The following DVL2 variants were observed in gnomAD, a reference collection of about 807,000 sequenced individuals.
DVL2 encodes the protein dishevelled segment polarity protein 2, also known as segment polarity protein dishevelled homolog DVL-2.
In DVL2, 38 loss-of-function variants were observed where a neutral mutation model predicts 69.8. The ratio of observed to expected loss-of-function variants is 0.54; its 90% CI spans 0.42 to 0.71. The LOEUF is 0.71. Ranked by LOEUF, DVL2 falls within the 30% of genes least tolerant of loss-of-function variation. DVL2 has a pLI of 0.00. For synonymous variants in DVL2, 428 were observed against 392.4 expected (o/e 1.09, Z -1.07); for missense variants, 931 against 1,008.1 (o/e 0.92, Z 1.04).
At chr17:7,232,506 A>G (rs1247413584) in intron 1 of DVL2, among the ~76,000 whole-genome samples, 1 of 152,234 alleles carries the variant, frequency 6.6e-6, no homozygotes, top group Non-Finnish European at 1.5e-5. Context: ...GTCAGCCTCA[A>G]TGCTAATTAC....
Position 7,226,648 on chromosome 17 carries a change from CAAGGG to C in DVL2, c.1544-14_1544-10del. On this transcript the variant is annotated splice_polypyrimidine_tract_variant and intron_variant, in intron 13 of 14. Coordinates refer to ENST00000005340, the MANE Select transcript of DVL2 (RefSeq NM_004422.3). Reference sequence around the variant, plus strand: ...AGACAGGTTGACTAGGTCTGGAAAGCAAGGGAAGAGAGGAAGAAATCACTGCTTCA... The same window carrying C: ...AGACAGGTTGACTAGGTCTGGAAAGCAAGAGAGGAAGAAATCACTGCTTCA... The C allele has an allele frequency of 6.5e-7, 1 of 1,532,090 alleles. No homozygotes were observed. Among genetic ancestry groups the C allele is most frequent in the Non-Finnish European group, 8.8e-7 (1 of 1,142,402 alleles). 94.9% of individuals were successfully genotyped at this position (1,532,090 alleles called of 1,614,324 possible). A position where few individuals can be genotyped will look rare whatever the true frequency, so the allele number is the denominator to read the frequency against.
Position 7,226,411 on chromosome 17 carries a change from GATGACTTA to G in DVL2, c.1762+2_1762+9del. Reference sequence around the variant, plus strand: ...GATCCTGGCCGTACAGGTATGTGGGGATGACTTACCCTCACTATGCTGGCTGCTGGCAC... The same window carrying G: ...GATCCTGGCCGTACAGGTATGTGGGGCCCTCACTATGCTGGCTGCTGGCAC... On this transcript the variant is annotated splice_donor_variant and splice_donor_5th_base_variant and intron_variant, in intron 14 of 14. Transcript: ENST00000005340. LOFTEE classifies it high-confidence loss of function. 1 of 1,530,194 alleles carries G rather than the reference GATGACTTA, an allele frequency of 6.5e-7. No individual in the cohort carries two copies. The highest frequency in any genetic ancestry group is 8.8e-7 in the Non-Finnish European group (1 of 1,139,742). The allele number at this position is 1,530,194 out of a possible 1,614,324, so 94.8% of individuals were successfully genotyped here. A position where few individuals can be genotyped will look rare whatever the true frequency, so the allele number is the denominator to read the frequency against.
rs1227339580 is a variant in DVL2, at chr17:7,230,320, G to A, written c.375C>T (p.Thr125=). The A allele has an allele frequency of 1.6e-5, 26 of 1,614,062 alleles. No homozygotes were observed. Among genetic ancestry groups the A allele is most frequent in the Non-Finnish European group, 2.2e-5 (26 of 1,180,046 alleles). ...PPLPPLPPER[T]SGIGDSRPPS... ...GAGGCCTTGAGTCCCCAATGCCGCT[G>A]GTCCTCTCGGGTGGCAAAGGAGGTA... Residue 125 remains threonine, a synonymous_variant, in exon 3 of 15, where the codon ACC becomes ACT. Transcript: ENST00000005340.
chr17:7,229,714 C>G lies in DVL2; in HGVS notation c.657-36G>C. ...GTTGGGAAGGAGAGCAAACGTAGGC[C>G]AAAGTGGTCATGGGGCCAAGAGAAA... On this transcript the variant is annotated intron_variant, in intron 5 of 14. Transcript: ENST00000005340. The surrounding 1 kb of genome is among the most constrained non-coding windows in gnomAD (Gnocchi z 4.4). 6.4e-7 allele frequency: 1 copy of G among 1,568,744 alleles called. No individual in the cohort carries two copies. The highest frequency in any genetic ancestry group is 1.2e-5 in the South Asian group (1 of 84,724).
rs72839768 is a variant in DVL2, at chr17:7,226,579, G to A, written c.1604C>T (p.Thr535Ile). The stretch of plus-strand genomic sequence containing the variant: ...GGTGGCCCCAGGCAGAGGAGCCAGG[G>A]TATCCTGGTCTGAAGCCCCACTGGA... ...DGSSGASDQD[T>I]LAPLPGATPW... The change falls in exon 14 of 15, where the codon ACC becomes ATC. Residue 535 changes from threonine (T) to isoleucine (I), a missense_variant. This residue lies in a region of DVL2 where 314 missense variants were observed against 313.7 expected (regional missense o/e 1.00). Coordinates refer to ENST00000005340, the MANE Select transcript of DVL2 (RefSeq NM_004422.3). The A allele has an allele frequency of 0.02, 31,448 of 1,606,300 alleles. 394 individuals are homozygous for A. Among genetic ancestry groups the A allele is most frequent in the Non-Finnish European group, 0.023 (27,497 of 1,176,878 alleles).
chr17:7,233,839 CCTAATCTTGT>C (rs1470295302), intron 1 of DVL2: 1 of 599,164 alleles, frequency 1.7e-6, no homozygotes, highest in East Asian at 2.8e-5. Flanking sequence ...TCCAGTAAAG[CCTAATCTTGT>C]CTAATCTGGT....
In DVL2 at chr17:7,227,080, G is replaced by A; in HGVS notation, c.1543+10C>T. 1 of 1,600,428 alleles carries A rather than the reference G, an allele frequency of 6.2e-7. No homozygotes were observed. Among genetic ancestry groups the A allele is most frequent in the Non-Finnish European group, 8.5e-7 (1 of 1,172,158 alleles). On this transcript the variant is annotated intron_variant, in intron 13 of 14. Coordinates refer to ENST00000005340, the MANE Select transcript of DVL2 (RefSeq NM_004422.3). ...AGCCACACTCCCAGAGTTGGGGCAG[G>A]GGGACTTACAGCTCTCACAGCCACC...
intron 12 of DVL2, 62 bp from the exon 13 acceptor site, chr17:7,227,331 T>A: frequency 6.2e-7 from 1 of 1,603,918 alleles, no homozygotes; most frequent in Non-Finnish European, 8.5e-7. Flanking sequence ...CTCTCGCCTC[T>A]GCCTGTGCCA....
At chr17:7,228,905 A>G in intron 9 of DVL2, 64 bp downstream of exon 9, 2 of 1,566,694 alleles carry the variant, frequency 1.3e-6, no homozygotes, top group Non-Finnish European at 1.8e-6. Flanking sequence ...TTAAAATTCC[A>G]AAACAAAACA....
intron 1 of DVL2, among the ~76,000 whole-genome samples, chr17:7,233,759 C>A (rs1230757298): frequency 6.6e-6 from 1 of 152,154 alleles, no homozygotes; most frequent in Non-Finnish European, 1.5e-5. Flanking sequence ...TACTAAACAA[C>A]CAGACAATGG....
At chr17:7,228,923 GAAAA>G in intron 9 of DVL2, 42 bp downstream of exon 9, 1 of 1,551,802 alleles carries the variant, frequency 6.4e-7, no homozygotes, top group Non-Finnish European at 8.9e-7. Flanking sequence ...ACATGAAAGA[GAAAA>G]AAAAAGAGGA....
rs1226523044 is a variant in DVL2, at chr17:7,234,426, G to A, written c.-164C>T. 1 of 824,962 alleles carries A rather than the reference G, an allele frequency of 1.2e-6. No individual in the cohort carries two copies. Among genetic ancestry groups the A allele is most frequent in the East Asian group, 3.2e-5 (1 of 31,466 alleles). 51.1% of individuals were successfully genotyped at this position (824,962 alleles called of 1,614,324 possible). The stretch of plus-strand genomic sequence containing the variant: ...GCACGGATCTGCGAGGGTGGCGGCG[G>A]GGGGCGGGCCGCGGGGTGCGACTCA... On this transcript the variant is annotated 5_prime_UTR_variant, in exon 1 of 15. Transcript: ENST00000005340.
chr17:7,231,967 CCT>C lies in DVL2; in HGVS notation c.195-1172_195-1171del, dbSNP rs1195943686. Among the ~76,000 whole-genome samples the C allele has an allele frequency of 2.0e-5, 3 of 152,294 alleles. No homozygotes were observed. The East Asian group carries it at 5.8e-4, about 29-fold the overall frequency. On this transcript the variant is annotated intron_variant, in intron 1 of 14. Coordinates refer to ENST00000005340, the MANE Select transcript of DVL2 (RefSeq NM_004422.3). Reference sequence around the variant, plus strand: ...GAGGGCAAGCTGGGGTTCCCATTCCCCTGTGCCTCACTGGGCACAAAATTCTG... The same window carrying C: ...GAGGGCAAGCTGGGGTTCCCATTCCCGTGCCTCACTGGGCACAAAATTCTG...
chr17:7,231,634 G>C (rs1460341274), intron 1 of DVL2, among the ~76,000 whole-genome samples: 1 of 151,342 alleles, frequency 6.6e-6, no homozygotes. Flanking sequence ...AGGCCAAAGT[G>C]GGCAGATTAC....
chr17:7,226,800 T>G, intron 13 of DVL2, 161 bp from the exon 14 acceptor site: 1 of 665,394 alleles, frequency 1.5e-6, no homozygotes, highest in Non-Finnish European at 2.4e-6. Flanking sequence ...CCCATCTACT[T>G]CTGCCATGAG....
Position 7,234,272 on chromosome 17 carries a change from C to G in DVL2, c.-10G>C. 1.2e-6 allele frequency: 2 copies of G among 1,606,768 alleles called. No individual in the cohort carries two copies. Among genetic ancestry groups the G allele is most frequent in the Non-Finnish European group, 1.7e-6 (2 of 1,176,546 alleles). On this transcript the variant is annotated 5_prime_UTR_variant, in exon 1 of 15. Transcript: ENST00000005340. ...TGCTGCTACCCGCCATGGTCTCGCCCGCGCGCTCCCGGGCTCCACCGCCCA... is the reference window on the plus strand; with the variant it reads ...TGCTGCTACCCGCCATGGTCTCGCCGGCGCGCTCCCGGGCTCCACCGCCCA...
intron 9 of DVL2, chr17:7,228,285 AG>A (rs1420031970): frequency 1.1e-5 from 4 of 371,068 alleles, no homozygotes; most frequent in Middle Eastern, 7.3e-4. Flanking sequence ...TTCCATTCAC[AG>A]AAAGTCCAAA....
At chr17:7,226,919 A>G (rs1429482643) in intron 13 of DVL2, 171 bp downstream of exon 13, 3 of 702,124 alleles carry the variant, frequency 4.3e-6, no homozygotes, top group South Asian at 1.9e-5. Context: ...CCAGCAGCAC[A>G]TGGGTGGACG....
chr17:7,231,783 A>C (rs1007139496), intron 1 of DVL2, among the ~76,000 whole-genome samples: 1 of 151,496 alleles, frequency 6.6e-6, no homozygotes, highest in Admixed American at 6.6e-5. Context: ...GAATCGCTTG[A>C]ACCCAGTAGG....
Sources: gnomAD v4.1 joint callset for allele counts (sites outside exome capture counted in the v4.1 genomes callset) on GRCh38, gnomAD v4.1.1 for gene constraint, gnomAD v4.1.1 regional missense constraint, Gnocchi (gnomAD v3.1) non-coding constraint, MANE v1.5 for transcripts, NCBI Gene and HGNC (gene_info 2026-07-23, HGNC 2026-07-21) for gene names.